RALGAPB: variants seen among roughly 807,000 people sequenced by gnomAD.
The protein encoded by RALGAPB is ral GTPase-activating protein subunit beta.
Under a neutral mutation model 161.1 loss-of-function variants are expected in RALGAPB, and 25 were observed. That is an observed-to-expected ratio of 0.16 (90% CI 0.11 to 0.22). RALGAPB has a LOEUF of 0.22. Among genes scored for constraint, RALGAPB ranks in the 10% least tolerant of loss-of-function variants. RALGAPB has a pLI of 1.00. For missense variants in RALGAPB, 1,391 were observed against 1,815.2 expected (o/e 0.77, Z 4.25); for synonymous variants, 629 against 626.1 (o/e 1.00, Z -0.07).
intron 23 of RALGAPB, among the ~76,000 whole-genome samples, chr20:38,561,217 G>A (rs549254825): frequency 3.3e-5 from 5 of 152,314 alleles, no homozygotes; most frequent in East Asian, 3.9e-4. Context: ...CCAGCTGCTC[G>A]GGTGGCTGAG....
chr20:38,532,269 G>A (rs2145343538), intron 14 of RALGAPB, among the ~76,000 whole-genome samples: 1 of 152,328 alleles, frequency 6.6e-6, no homozygotes, highest in Non-Finnish European at 1.5e-5. Flanking sequence ...GTGTTAGCCA[G>A]GATGGTCTCG....
chr20:38,488,691 C>T, intron 2 of RALGAPB, 73 bp downstream of exon 2: 1 of 1,398,052 alleles, frequency 7.2e-7, no homozygotes, highest in South Asian at 1.4e-5. Context: ...TTAATGTTAA[C>T]TTTTTTGTTC....
In RALGAPB at chr20:38,578,752, T is replaced by C. The variant is rs1186617352; in HGVS notation, c.*3785T>C. 1.3e-5 allele frequency: 2 copies of C among 152,602 alleles called. No homozygotes were observed. Among genetic ancestry groups the C allele is most frequent in the East Asian group, 3.8e-4 (2 of 5,196 alleles). 9.5% of individuals were successfully genotyped at this position (152,602 alleles called of 1,614,324 possible). ...CATCTTCGTCGGTTAGGGAAGAAGG[T>C]CCAGAGGTTTGTTTGTATTTATGCC... On this transcript the variant is annotated 3_prime_UTR_variant, in exon 30 of 30. Coordinates refer to ENST00000262879, the MANE Select transcript of RALGAPB (RefSeq NM_020336.4).
rs1453282466 is a variant in RALGAPB at position 38,578,199 on chromosome 20, A to G, written c.*3232A>G. 3 of 152,198 alleles carry G rather than the reference A, an allele frequency of 2.0e-5. No individual in the cohort carries two copies. The highest frequency in any genetic ancestry group is 2.1e-4 in the South Asian group (1 of 4,826). The allele number at this position is 152,198 out of a possible 1,614,324, so 9.4% of individuals were successfully genotyped here. On this transcript the variant is annotated 3_prime_UTR_variant, in exon 30 of 30. Transcript: ENST00000262879. ...GATTGCTGTGTTTACATGAAATGACATTGGAGTCAGATGGTCTGTTTTAAA... is the reference window on the plus strand; with the variant it reads ...GATTGCTGTGTTTACATGAAATGACGTTGGAGTCAGATGGTCTGTTTTAAA...
At chr20:38,516,102 GCA>G (rs2086115563) in intron 6 of RALGAPB, 88 bp from the exon 7 acceptor site, 1 of 1,001,260 alleles carries the variant, frequency 1.0e-6, no homozygotes, top group African/African-American at 1.7e-5. Context: ...AGAGAAATAG[GCA>G]CAGTCCTATT....
Position 38,517,779 on chromosome 20 carries a change from A to G in RALGAPB, c.1201-5A>G, listed in dbSNP as rs770988243. On this transcript the variant is annotated splice_polypyrimidine_tract_variant and splice_region_variant and intron_variant, in intron 8 of 29. Coordinates refer to ENST00000262879, the MANE Select transcript of RALGAPB (RefSeq NM_020336.4). Reference sequence around the variant, plus strand: ...TATGGGTGTATTCTTGTGTTCGTCTAATAGGTTAGTACTGCTCATGCCTCT... The same window carrying G: ...TATGGGTGTATTCTTGTGTTCGTCTGATAGGTTAGTACTGCTCATGCCTCT... 19 of 1,609,806 alleles carry G rather than the reference A, an allele frequency of 1.2e-5. No homozygotes were observed. The highest frequency in any genetic ancestry group is 4.5e-5 in the East Asian group (2 of 44,868).
At chr20:38,529,452 G>A (rs983214631) in intron 13 of RALGAPB, among the ~76,000 whole-genome samples, 1 of 151,882 alleles carries the variant, frequency 6.6e-6, no homozygotes, top group East Asian at 1.9e-4. Flanking sequence ...GGGAGGCGGA[G>A]GTTGCAGTGA....
rs36061549 is a variant in RALGAPB, at chr20:38,558,467, AT to A, written c.3531+26del. ...ACGAACCAAGAGGTAAGAGTTACGAATTTTTTTTTTTTGGTATGTTTTTGTG... is the reference window on the plus strand; with the variant it reads ...ACGAACCAAGAGGTAAGAGTTACGAATTTTTTTTTTTGGTATGTTTTTGTG... On this transcript the variant is annotated intron_variant, in intron 23 of 29. Coordinates refer to ENST00000262879, the MANE Select transcript of RALGAPB (RefSeq NM_020336.4). 103,562 of 987,812 alleles carry A rather than the reference AT, an allele frequency of 0.1. 44 individuals carry two copies. Among genetic ancestry groups the A allele is most frequent in the East Asian group, 0.17 (4,272 of 25,312 alleles). 61.2% of individuals were successfully genotyped at this position (987,812 alleles called of 1,614,324 possible). A position where few individuals can be genotyped will look rare whatever the true frequency, so the allele number is the denominator to read the frequency against.
chr20:38,546,565 A>C lies in RALGAPB; in HGVS notation c.2902+135A>C, dbSNP rs149831579. 2,809 of 1,233,996 alleles carry C rather than the reference A, an allele frequency of 2.3e-3. 2 individuals are homozygous for C. The highest frequency in any genetic ancestry group is 2.8e-3 in the Non-Finnish European group (2,530 of 890,490). 76.4% of individuals were successfully genotyped at this position (1,233,996 alleles called of 1,614,324 possible). On this transcript the variant is annotated intron_variant, in intron 19 of 29. Transcript: ENST00000262879. The stretch of plus-strand genomic sequence containing the variant: ...GAAAGATTTCTAGCTGTGGGACAAT[A>C]GCACCTGAAAAATAGGGGGGCAAAA...
rs753010646 is a variant in RALGAPB, at chr20:38,535,128, C to T, written c.2300C>T (p.Thr767Ile). Reference sequence around the variant, plus strand: ...CTGATTCGCAGCATTCATCTCGTCACCCAAAGACTCAACTCCCAGTGGCGC... The same window carrying T: ...CTGATTCGCAGCATTCATCTCGTCATCCAAAGACTCAACTCCCAGTGGCGC... ...GLLIRSIHLV[T>I]QRLNSQWRQD... The change falls in exon 16 of 30, where the codon ACC (threonine) becomes ATC (isoleucine). Residue 767 changes from threonine to isoleucine, a missense_variant. Thr to Ile is a moderately conservative substitution (Grantham distance 89). Transcript: ENST00000262879. 1.9e-6 allele frequency: 3 copies of T among 1,614,008 alleles called. No individual in the cohort carries two copies. The highest frequency in any genetic ancestry group is 1.7e-5 in the Admixed American group (1 of 60,032).
intron 16 of RALGAPB, among the ~76,000 whole-genome samples, chr20:38,538,926 A>G (rs1308429012): frequency 4.6e-5 from 7 of 152,212 alleles, no homozygotes; most frequent in African/African-American, 1.7e-4. Context: ...ATCGATATAA[A>G]TACCTTGTAC....
At chr20:38,485,468 C>T (rs1030914430) in intron 1 of RALGAPB, among the ~76,000 whole-genome samples, 2 of 152,104 alleles carry the variant, frequency 1.3e-5, no homozygotes, top group African/African-American at 2.4e-5. Context: ...GCTCTTGTCA[C>T]CCAGGCTGGA....
intron 15 of RALGAPB, among the ~76,000 whole-genome samples, chr20:38,534,050 ACT>A (rs906783121): frequency 1.4e-5 from 2 of 145,290 alleles, no homozygotes; most frequent in Admixed American, 7.2e-5. Flanking sequence ...AAGGTAGGAG[ACT>A]CTCTTGAACC....
At chr20:38,493,938 A>T (rs1331038345) in intron 3 of RALGAPB, among the ~76,000 whole-genome samples, 1 of 152,228 alleles carries the variant, frequency 6.6e-6, no homozygotes, top group East Asian at 1.9e-4. Context: ...TAAGTCAGAC[A>T]TTCCTCTAAG....
At chr20:38,539,744 ATTG>A (rs749951807) in intron 16 of RALGAPB, 29 bp from the exon 17 acceptor site, 2 of 1,600,596 alleles carry the variant, frequency 1.2e-6, no homozygotes, top group South Asian at 2.2e-5. Flanking sequence ...TTCCTGGCTG[ATTG>A]TTTTTGTTCT....
At chr20:38,570,716 C>A in intron 27 of RALGAPB, 53 bp from the exon 28 acceptor site, 1 of 1,155,772 alleles carries the variant, frequency 8.7e-7, no homozygotes, top group Non-Finnish European at 1.3e-6. Flanking sequence ...TTCCTATTAT[C>A]TGTTTGGGAA....
intron 13 of RALGAPB, among the ~76,000 whole-genome samples, chr20:38,530,495 C>T (rs2086620626): frequency 6.6e-6 from 1 of 151,558 alleles, no homozygotes; most frequent in Admixed American, 6.6e-5. Context: ...GGACTTCAAG[C>T]AATCCTGCTG....
chr20:38,473,785 G>A (rs1036746080), intron 1 of RALGAPB, among the ~76,000 whole-genome samples: 15 of 152,348 alleles, frequency 9.8e-5, no homozygotes, highest in Non-Finnish European at 1.9e-4. Context: ...TGCCCATGTG[G>A]CATCCCAGAC....
chr20:38,526,130 C>A, intron 13 of RALGAPB, 88 bp downstream of exon 13: 1 of 1,415,046 alleles, frequency 7.1e-7, no homozygotes, highest in South Asian at 1.2e-5. Flanking sequence ...TAATGGGAGC[C>A]TAAACCTAAT....
Sources: allele counts gnomAD v4.1 joint callset (sites outside exome capture counted in the v4.1 genomes callset), GRCh38; gene constraint gnomAD v4.1.1; transcripts MANE v1.5; gene names NCBI Gene and HGNC (gene_info 2026-07-23, HGNC 2026-07-21).